MYO3B: variants seen among roughly 807,000 people sequenced by gnomAD.
MYO3B encodes the protein myosin IIIB, also known as myosin-IIIb.
Under a neutral mutation model 174.6 loss-of-function variants are expected in MYO3B, and 156 were observed. The ratio of observed to expected loss-of-function variants is 0.89; its 90% CI spans 0.78 to 1.02. The LOEUF (loss-of-function observed/expected upper bound fraction) is 1.02, where lower values mean the gene tolerates loss of function less well. MYO3B is among the 50% of genes least tolerant of loss of function. The pLI is 0.00. For synonymous variants in MYO3B, 563 were observed against 569.1 expected, an observed-to-expected ratio of 0.99 and a Z score of 0.15; for missense variants, 1,632 against 1,639.4, an observed-to-expected ratio of 1.00 and a Z score of 0.08.
At chr2:170,310,438 G>A (rs55969403) in intron 7 of MYO3B, among the ~76,000 whole-genome samples, 46,661 of 151,824 alleles carry the variant, frequency 0.31, 7,381 homozygotes, top group South Asian at 0.39. Context: ...CGAGGCGGGC[G>A]GATCACCCGA....
chr2:170,500,429 T>C (rs1406272201), intron 27 of MYO3B, among the ~76,000 whole-genome samples: 4 of 152,194 alleles, frequency 2.6e-5, no homozygotes, highest in African/African-American at 7.2e-5. Context: ...TGAGGAGATA[T>C]CTGGGGAAGG....
intron 1 of MYO3B, among the ~76,000 whole-genome samples, chr2:170,183,869 A>AT (rs1442864908): frequency 1.4e-5 from 2 of 142,810 alleles, no homozygotes; most frequent in Non-Finnish European, 3.1e-5. Context: ...ACCCATTTGA[A>AT]TTTTTTAATG....
chr2:170,555,793 G>A (rs1691245585), intron 32 of MYO3B, among the ~76,000 whole-genome samples: 1 of 152,080 alleles, frequency 6.6e-6, no homozygotes, highest in South Asian at 2.1e-4. Flanking sequence ...GATCACTTGA[G>A]CCCAGGAGGT....
chr2:170,580,154 G>A (rs927785310), intron 32 of MYO3B, among the ~76,000 whole-genome samples: 4 of 151,972 alleles, frequency 2.6e-5, no homozygotes, highest in Non-Finnish European at 5.9e-5. Context: ...ATATTATCAA[G>A]GTATGTCTAA....
intron 7 of MYO3B, among the ~76,000 whole-genome samples, chr2:170,264,437 C>G (rs1448305296): frequency 6.6e-6 from 1 of 152,214 alleles, no homozygotes; most frequent in African/African-American, 2.4e-5. Flanking sequence ...ACACCCATCA[C>G]TTTTGCCACA....
At chr2:170,536,303 C>A (rs953557673) in intron 30 of MYO3B, among the ~76,000 whole-genome samples, 1 of 152,140 alleles carries the variant, frequency 6.6e-6, no homozygotes, top group African/African-American at 2.4e-5. Context: ...CCTTTTTGAG[C>A]CCTTCTGATG....
intron 22 of MYO3B, among the ~76,000 whole-genome samples, chr2:170,437,428 C>T (rs895780391): frequency 1.3e-5 from 2 of 152,122 alleles, no homozygotes; most frequent in Admixed American, 6.5e-5. Flanking sequence ...TTCTGACCTT[C>T]TCCTAAAGCA....
At chr2:170,582,709 C>A (rs923774642) in intron 32 of MYO3B, among the ~76,000 whole-genome samples, 1 of 152,146 alleles carries the variant, frequency 6.6e-6, no homozygotes, top group Admixed American at 6.5e-5. Flanking sequence ...GGAGTTGTTG[C>A]TCCTAGTTCC....
intron 7 of MYO3B, among the ~76,000 whole-genome samples, chr2:170,308,748 C>G (rs996848683): frequency 1.3e-5 from 2 of 152,134 alleles, no homozygotes; most frequent in African/African-American, 4.8e-5. Context: ...ACACACCTTT[C>G]CCTGTTGGAC....
At chr2:170,607,970 G>C (rs1352806086) in intron 32 of MYO3B, among the ~76,000 whole-genome samples, 1 of 152,162 alleles carries the variant, frequency 6.6e-6, no homozygotes, top group Non-Finnish European at 1.5e-5. Context: ...ATATAATTAG[G>C]GGTCACTGAC....
intron 29 of MYO3B, among the ~76,000 whole-genome samples, chr2:170,516,939 A>G (rs1322891226): frequency 6.6e-6 from 1 of 152,160 alleles, no homozygotes; most frequent in Non-Finnish European, 1.5e-5. Flanking sequence ...ACTTAAAATG[A>G]GTCACCTTCT....
chr2:170,627,933 C>T (rs549987345), intron 32 of MYO3B, among the ~76,000 whole-genome samples: 11 of 152,268 alleles, frequency 7.2e-5, no homozygotes, highest in South Asian at 4.2e-4. Flanking sequence ...AGGGGTACCT[C>T]GCCATGTGAC....
At chr2:170,455,758 C>T (rs534980103) in intron 23 of MYO3B, among the ~76,000 whole-genome samples, 3 of 152,226 alleles carry the variant, frequency 2.0e-5, no homozygotes, top group South Asian at 4.1e-4. Flanking sequence ...AAAACTTACT[C>T]GTGACTACTC....
intron 28 of MYO3B, among the ~76,000 whole-genome samples, chr2:170,504,456 GC>G (rs1363222993): frequency 6.6e-6 from 1 of 152,192 alleles, no homozygotes; most frequent in African/African-American, 2.4e-5. Context: ...AAGCAGCCGT[GC>G]GGCTTATCCC....
At chr2:170,595,001 G>A (rs1473541893) in intron 32 of MYO3B, among the ~76,000 whole-genome samples, 2 of 152,110 alleles carry the variant, frequency 1.3e-5, no homozygotes, top group Admixed American at 6.5e-5. Context: ...CGTGCCCCAG[G>A]CTTCTGAGAA....
At chr2:170,421,328 G>T (rs2094613168) in intron 22 of MYO3B, among the ~76,000 whole-genome samples, 1 of 152,234 alleles carries the variant, frequency 6.6e-6, no homozygotes. Flanking sequence ...CACCAGAGGA[G>T]TGCAGATGTA....
Position 170,374,541 on chromosome 2 carries a change from T to C in MYO3B, c.971+5164T>C, listed in dbSNP as rs190852818. On this transcript the variant is annotated intron_variant, in intron 9 of 34. Transcript: ENST00000408978. Reference sequence around the variant, plus strand: ...TCTTAGATCAGATCCATCTCAGTTATGGCACATATTCAAGAGTATTCAAAA... The same window carrying C: ...TCTTAGATCAGATCCATCTCAGTTACGGCACATATTCAAGAGTATTCAAAA... Among the ~76,000 whole-genome samples, 360 of 152,294 alleles carry C rather than the reference T, an allele frequency of 2.4e-3. 1 individual carries two copies. The highest frequency in any genetic ancestry group is 4.1e-3 in the Non-Finnish European group (276 of 68,022).
intron 32 of MYO3B, among the ~76,000 whole-genome samples, chr2:170,583,469 T>C (rs917087472): frequency 1.4e-4 from 21 of 152,202 alleles, no homozygotes; most frequent in African/African-American, 5.1e-4. Context: ...TTTTTTTGAA[T>C]TTTTATTTTA....
chr2:170,368,956 T>C (rs572733648), intron 8 of MYO3B, among the ~76,000 whole-genome samples: 87 of 152,342 alleles, frequency 5.7e-4, no homozygotes, highest in Admixed American at 9.8e-4. Flanking sequence ...GTGTTTTGAG[T>C]ACTTCAAGTT....
Sources: allele counts gnomAD v4.1 joint callset (sites outside exome capture counted in the v4.1 genomes callset), GRCh38; gene constraint gnomAD v4.1.1; transcripts MANE v1.5; gene names NCBI Gene and HGNC (gene_info 2026-07-23, HGNC 2026-07-21).